Variants in LOC128706665 observed in about 807,000 individuals in gnomAD.
chr20:10,420,334 G>A, the LOC128706665 span, among the ~76,000 whole-genome samples: 1 of 152,166 alleles, frequency 6.6e-6, no homozygotes, highest in Non-Finnish European at 1.5e-5. Context: ...TTGACTGCCA[G>A]GCAAGTGTCA....
At chr20:10,414,262 A>G in the LOC128706665 span, among the ~76,000 whole-genome samples, 4 of 135,806 alleles carry the variant, frequency 2.9e-5, no homozygotes, top group East Asian at 2.4e-4. Flanking sequence ...TAGGTCTCTG[A>G]GTCTTTTTTT....
At chr20:10,423,403 T>C in the LOC128706665 span, among the ~76,000 whole-genome samples, 5 of 151,988 alleles carry the variant, frequency 3.3e-5, no homozygotes, top group Non-Finnish European at 5.9e-5. Context: ...GGACAGGTGA[T>C]GAAATGCGAT....
chr20:10,414,745 G>A, the LOC128706665 span, among the ~76,000 whole-genome samples: 1 of 152,184 alleles, frequency 6.6e-6, no homozygotes, highest in Admixed American at 6.5e-5. Context: ...CATGTCTACT[G>A]CAGGAACTCA....
the LOC128706665 span, among the ~76,000 whole-genome samples, chr20:10,432,769 G>A: frequency 8.3e-6 from 1 of 120,066 alleles, no homozygotes; most frequent in East Asian, 2.3e-4. Context: ...CAGCCTGCGC[G>A]ACAGAGCGAG....
chr20:10,432,007 C>T, the LOC128706665 span: 10 of 152,318 alleles, frequency 6.6e-5, no homozygotes, highest in Non-Finnish European at 1.3e-4. Flanking sequence ...CCCTGACCCC[C>T]CTAAGGAATG....
the LOC128706665 span, among the ~76,000 whole-genome samples, chr20:10,428,543 C>T: frequency 2.0e-5 from 3 of 152,176 alleles, no homozygotes; most frequent in Admixed American, 6.5e-5. Flanking sequence ...TAGCTCTCAA[C>T]TAAATCTTCT....
the LOC128706665 span, among the ~76,000 whole-genome samples, chr20:10,415,553 T>A: frequency 1.3e-5 from 2 of 152,182 alleles, no homozygotes; most frequent in South Asian, 4.1e-4. Context: ...GAAAGAAAAA[T>A]CTGTTTATTG....
the LOC128706665 span, among the ~76,000 whole-genome samples, chr20:10,433,829 G>A: frequency 6.6e-6 from 1 of 152,152 alleles, no homozygotes; most frequent in African/African-American, 2.4e-5. Flanking sequence ...GTGGGAGCGT[G>A]GTGAGGCGCC....
At chr20:10,433,420 C>G in the LOC128706665 span, among the ~76,000 whole-genome samples, 64,346 of 152,166 alleles carry the variant, frequency 0.42, 14,389 homozygotes, top group Non-Finnish European at 0.49. Flanking sequence ...GTGCAAGTCC[C>G]TCTTGGTCAC....
the LOC128706665 span, among the ~76,000 whole-genome samples, chr20:10,420,190 C>T: frequency 3.3e-5 from 5 of 151,948 alleles, no homozygotes; most frequent in Non-Finnish European, 7.4e-5. Context: ...AAAAAGAACA[C>T]TAATAGAAGA....
the LOC128706665 span, among the ~76,000 whole-genome samples, chr20:10,415,824 G>T: frequency 6.6e-6 from 1 of 152,148 alleles, no homozygotes; most frequent in African/African-American, 2.4e-5. Context: ...TCTTACAGTA[G>T]TGAGACCAGT....
the LOC128706665 span, among the ~76,000 whole-genome samples, chr20:10,416,102 A>G: frequency 7.9e-5 from 12 of 152,326 alleles, no homozygotes; most frequent in Admixed American, 5.9e-4. Context: ...AAGAGTTACC[A>G]TTAGACGAAT....
the LOC128706665 span, among the ~76,000 whole-genome samples, chr20:10,430,078 CT>C: frequency 6.6e-6 from 1 of 152,198 alleles, no homozygotes; most frequent in Non-Finnish European, 1.5e-5. Context: ...TGTATTCCTG[CT>C]TTGCTTAAAA....
At chr20:10,430,572 G>A in the LOC128706665 span, among the ~76,000 whole-genome samples, 1 of 152,304 alleles carries the variant, frequency 6.6e-6, no homozygotes, top group South Asian at 2.1e-4. Context: ...ATAAAGGAAG[G>A]CCCACTTCTC....
At chr20:10,430,431 G>A in the LOC128706665 span, among the ~76,000 whole-genome samples, 387 of 151,696 alleles carry the variant, frequency 2.6e-3, 12 homozygotes, top group East Asian at 0.068. Context: ...CTTTGTCTGG[G>A]CTCAGTAATT....
At chr20:10,417,359 C>A in the LOC128706665 span, among the ~76,000 whole-genome samples, 1 of 152,182 alleles carries the variant, frequency 6.6e-6, no homozygotes, top group South Asian at 2.1e-4. Flanking sequence ...GCCTGTAATC[C>A]CATCACTTTG....
At chr20:10,432,688 C>G in the LOC128706665 span, among the ~76,000 whole-genome samples, 1 of 147,758 alleles carries the variant, frequency 6.8e-6, no homozygotes, top group Admixed American at 6.9e-5. Flanking sequence ...CAAACTTCTC[C>G]GGAGGCTAAG....
the LOC128706665 span, among the ~76,000 whole-genome samples, chr20:10,431,326 C>T: frequency 3.4e-3 from 513 of 151,808 alleles, 5 homozygotes; most frequent in African/African-American, 0.012. Context: ...TAGGGATTAG[C>T]AATTTTCACT....
chr20:10,428,778 A>T, the LOC128706665 span, among the ~76,000 whole-genome samples: 3 of 152,188 alleles, frequency 2.0e-5, no homozygotes, highest in African/African-American at 7.2e-5. Context: ...GGCAGAGGTT[A>T]CATTACAGTG....
Sources: allele counts gnomAD v4.1 joint callset (sites outside exome capture counted in the v4.1 genomes callset), GRCh38; gene constraint gnomAD v4.1.1; transcripts MANE v1.5.